The following CYB5A variants were observed in gnomAD, a reference collection of about 807,000 sequenced individuals.
CYB5A encodes the protein cytochrome b5 type A.
Under a neutral mutation model 16.2 loss-of-function variants are expected in CYB5A, and 10 were observed. That is an observed-to-expected ratio of 0.62 (90% CI 0.38 to 1.04). The LOEUF is 1.04. Ranked by LOEUF, CYB5A falls within the 50% of genes least tolerant of loss-of-function variation. The pLI is 0.01. For missense variants in CYB5A, 161 were observed against 165.9 expected (o/e 0.97, Z 0.16); for synonymous variants, 62 against 57.0 (o/e 1.09, Z -0.40).
At position 74,262,282 on chromosome 18, in the gene CYB5A, C is replaced by A. The variant is rs149035734; in HGVS notation, c.258+1067G>T. Among the ~76,000 whole-genome samples, 857 of 152,138 alleles carry A rather than the reference C, an allele frequency of 5.6e-3. 7 individuals are homozygous for A. The highest frequency in any genetic ancestry group is 0.019 in the African/African-American group (806 of 41,520). On this transcript the variant is annotated intron_variant, in intron 2 of 4. Transcript: ENST00000340533. Reference sequence around the variant, plus strand: ...CAACCTGGCCAACATGGCGAAACCCCATCTCTACTAAAAATACAAAACAAT... The same window carrying A: ...CAACCTGGCCAACATGGCGAAACCCAATCTCTACTAAAAATACAAAACAAT...
Position 74,252,187 on chromosome 18 carries a change from A to G in CYB5A, c.*1397T>C, listed in dbSNP as rs1981794979. On this transcript the variant is annotated 3_prime_UTR_variant, in exon 5 of 5. Transcript: ENST00000340533. Reference sequence around the variant, plus strand: ...TGTAAGAACAACACAATTCCTTTCCACTGCACGCGGTCACTTCTGAAGAAC... The same window carrying G: ...TGTAAGAACAACACAATTCCTTTCCGCTGCACGCGGTCACTTCTGAAGAAC... 6.6e-6 allele frequency: 1 copy of G among 152,200 alleles called. No homozygotes were observed. Among genetic ancestry groups the G allele is most frequent in the African/African-American group, 2.4e-5 (1 of 41,442 alleles). 9.4% of individuals were successfully genotyped at this position (152,200 alleles called of 1,614,324 possible).
chr18:74,253,274 C>G lies in CYB5A; in HGVS notation c.*310G>C. ...TCTAAACATTAAAGACAATTATACACCAAACAGGCAAACACGGTGCATACT... is the reference window on the plus strand; with the variant it reads ...TCTAAACATTAAAGACAATTATACAGCAAACAGGCAAACACGGTGCATACT... On this transcript the variant is annotated 3_prime_UTR_variant, in exon 5 of 5. Coordinates refer to ENST00000340533, the MANE Select transcript of CYB5A (RefSeq NM_148923.4). 1 of 345,238 alleles carries G rather than the reference C, an allele frequency of 2.9e-6. No individual in the cohort carries two copies. The highest frequency in any genetic ancestry group is 4.2e-5 in the Admixed American group (1 of 23,678). 21.4% of individuals were successfully genotyped at this position (345,238 alleles called of 1,614,324 possible).
chr18:74,271,605 T>TC (rs1486081725), intron 1 of CYB5A, among the ~76,000 whole-genome samples: 1 of 152,170 alleles, frequency 6.6e-6, no homozygotes, highest in Non-Finnish European at 1.5e-5. Context: ...GTGAAATGAT[T>TC]CAATCAAGCT....
At chr18:74,265,594 C>T (rs1982401380) in intron 1 of CYB5A, among the ~76,000 whole-genome samples, 1 of 152,188 alleles carries the variant, frequency 6.6e-6, no homozygotes, top group Non-Finnish European at 1.5e-5. Flanking sequence ...TTTTGTACTG[C>T]TATGAAGAAA....
intron 1 of CYB5A, among the ~76,000 whole-genome samples, chr18:74,265,994 C>T (rs1014316283): frequency 4.1e-4 from 62 of 152,296 alleles, no homozygotes; most frequent in South Asian, 2.1e-4. Flanking sequence ...TCTTCCTCAA[C>T]GGGACTTTGA....
rs1490692209 is a variant in CYB5A at position 74,260,842 on chromosome 18, C to T, written c.288+73G>A. On this transcript the variant is annotated intron_variant, in intron 3 of 4. Transcript: ENST00000340533. Reference sequence around the variant, plus strand: ...CTGGCATCAGTCAGGTAAATAAAAACCCTCTGCCTTCAGTTTGACAAGTAT... The same window carrying T: ...CTGGCATCAGTCAGGTAAATAAAAATCCTCTGCCTTCAGTTTGACAAGTAT... 6.9e-6 allele frequency: 9 copies of T among 1,302,098 alleles called. No individual in the cohort carries two copies. The African/African-American group carries it at 8.7e-5, about 13-fold the overall frequency. The allele number at this position is 1,302,098 out of a possible 1,614,324, so 80.7% of individuals were successfully genotyped here.
intron 3 of CYB5A, 155 bp downstream of exon 3, chr18:74,260,760 T>TA (rs1433511451): frequency 6.9e-6 from 5 of 726,986 alleles, no homozygotes; most frequent in African/African-American, 1.7e-5. Context: ...TTTCCGTAAA[T>TA]AAAAAATACT....
chr18:74,255,975 A>G (rs1174714548), intron 3 of CYB5A, 200 bp from the exon 4 acceptor site: 1 of 572,944 alleles, frequency 1.7e-6, no homozygotes, highest in Admixed American at 3.0e-5. Context: ...TTTAATCATT[A>G]TATTTACTTA....
At chr18:74,254,704 T>C (rs1981904376) in intron 4 of CYB5A, among the ~76,000 whole-genome samples, 1 of 151,708 alleles carries the variant, frequency 6.6e-6, no homozygotes, top group Non-Finnish European at 1.5e-5. Context: ...GTATTTTTAG[T>C]AGAGACAGGG....
intron 1 of CYB5A, among the ~76,000 whole-genome samples, chr18:74,287,519 A>T (rs1164400224): frequency 1.1e-4 from 17 of 152,166 alleles, no homozygotes; most frequent in Admixed American, 1.1e-3. Flanking sequence ...CACTTTTAAG[A>T]CTCCAAAAAT....
intron 1 of CYB5A, among the ~76,000 whole-genome samples, chr18:74,273,236 T>C (rs1790876): frequency 0.23 from 34,882 of 152,160 alleles, 4,292 homozygotes; most frequent in South Asian, 0.3. Context: ...GCTGAGTGAC[T>C]GACTGGAGGG....
At chr18:74,279,496 C>A (rs1261356726) in intron 1 of CYB5A, among the ~76,000 whole-genome samples, 1 of 152,184 alleles carries the variant, frequency 6.6e-6, no homozygotes, top group Non-Finnish European at 1.5e-5. Flanking sequence ...TGCCACTGCA[C>A]TCCAGCCTGG....
intron 1 of CYB5A, among the ~76,000 whole-genome samples, chr18:74,270,120 A>C (rs1207732171): frequency 6.6e-6 from 1 of 151,692 alleles, no homozygotes; most frequent in Non-Finnish European, 1.5e-5. Context: ...AGCTGGCCAC[A>C]CTCGGTCCCC....
At chr18:74,273,848 A>G (rs1157732220) in intron 1 of CYB5A, among the ~76,000 whole-genome samples, 1 of 152,222 alleles carries the variant, frequency 6.6e-6, no homozygotes, top group Non-Finnish European at 1.5e-5. Flanking sequence ...CACGTGGCCC[A>G]CTTAATACCA....
chr18:74,283,343 A>T (rs1489973711), intron 1 of CYB5A, among the ~76,000 whole-genome samples: 1 of 152,076 alleles, frequency 6.6e-6, no homozygotes, highest in Non-Finnish European at 1.5e-5. Flanking sequence ...ACACGTGCAA[A>T]CAATCTCTTT....
At chr18:74,255,619 A>C in intron 4 of CYB5A, 122 bp downstream of exon 4, 1 of 820,250 alleles carries the variant, frequency 1.2e-6, no homozygotes, top group Non-Finnish European at 2.1e-6. Context: ...CCTTCAGCAG[A>C]AGGTTGCTGA....
At chr18:74,259,742 A>T (rs1390742249) in intron 3 of CYB5A, 1 of 152,226 alleles carries the variant, frequency 6.6e-6, no homozygotes, top group Non-Finnish European at 1.5e-5. Flanking sequence ...ACTTCAGAGA[A>T]AAAGGAAAAA....
At chr18:74,264,382 C>A (rs1009280215) in intron 1 of CYB5A, among the ~76,000 whole-genome samples, 10 of 152,098 alleles carry the variant, frequency 6.6e-5, no homozygotes, top group Admixed American at 3.9e-4. Flanking sequence ...TTATTCTCTA[C>A]CCAATCTATT....
chr18:74,265,626 C>T (rs1424378858), intron 1 of CYB5A, among the ~76,000 whole-genome samples: 1 of 152,180 alleles, frequency 6.6e-6, no homozygotes, highest in Non-Finnish European at 1.5e-5. Context: ...GGATCATTTA[C>T]AAAGAAAACA....
Sources: allele counts gnomAD v4.1 joint callset (sites outside exome capture counted in the v4.1 genomes callset), GRCh38; gene constraint gnomAD v4.1.1; transcripts MANE v1.5; gene names NCBI Gene and HGNC (gene_info 2026-07-23, HGNC 2026-07-21).